KLF8: variants seen among roughly 807,000 people sequenced by gnomAD.
KLF8 encodes Krueppel-like factor 8.
A neutral mutation model predicts 18.2 loss-of-function variants in KLF8; 10 were observed. That is an observed-to-expected ratio of 0.55 (90% CI 0.34 to 0.93). KLF8 has a LOEUF of 0.93. Among genes scored for constraint, KLF8 ranks in the 40% least tolerant of loss-of-function variants. KLF8 has a pLI of 0.02. For missense variants in KLF8, 264 were observed against 277.9 expected (o/e 0.95, Z 0.36); for synonymous variants, 109 against 97.3 (o/e 1.12, Z -0.71).
At chrX:55,964,888 A>T in the KLF8 span, among the ~76,000 whole-genome samples, 1 of 111,535 alleles carries the variant, frequency 9.0e-6, no homozygotes, top group African/African-American at 3.3e-5. Flanking sequence ...ACCAATAAAG[A>T]CTTCCCAAAT....
At chrX:56,027,009 T>G in the KLF8 span, among the ~76,000 whole-genome samples, 7 of 112,539 alleles carry the variant, frequency 6.2e-5, no homozygotes, top group Non-Finnish European at 1.3e-4. Flanking sequence ...AGCTGGCAAG[T>G]GTGAGATGTA....
In KLF8 at chrX:56,284,697, C is replaced by G; in HGVS notation, c.*203C>G. 3.3e-6 allele frequency: 1 copy of G among 301,732 alleles called. No individual in the cohort carries two copies. Among genetic ancestry groups the G allele is most frequent in the Non-Finnish European group, 5.7e-6 (1 of 174,979 alleles). 24.9% of individuals were successfully genotyped at this position (301,732 alleles called of 1,213,427 possible). A position where few individuals can be genotyped will look rare whatever the true frequency, so the allele number is the denominator to read the frequency against. ...TACCTTCACTTCTCCACTGTCCAGA[C>G]CCGTTTTTTTCAACCTCCACATGGG... On this transcript the variant is annotated 3_prime_UTR_variant, in exon 6 of 6. Transcript: ENST00000468660.
the KLF8 span, among the ~76,000 whole-genome samples, chrX:56,196,319 G>A: frequency 9.0e-6 from 1 of 111,577 alleles, no homozygotes; most frequent in Non-Finnish European, 1.9e-5. Context: ...CCATCAGTGT[G>A]CTGTATTCAG....
Position 56,290,718 on chromosome X carries a change from C to A in KLF8, c.*6224C>A, listed in dbSNP as rs1036036881. Reference sequence around the variant, plus strand: ...ACCACTTATATTTTCTCTTTCCCAACTTACTTTACTCTGAATAGTATAGGT... The same window carrying A: ...ACCACTTATATTTTCTCTTTCCCAAATTACTTTACTCTGAATAGTATAGGT... On this transcript the variant is annotated 3_prime_UTR_variant, in exon 6 of 6. Transcript: ENST00000468660. 2.7e-5 allele frequency among the ~76,000 whole-genome samples: 3 copies of A among 110,928 alleles called. No homozygotes were observed. The highest frequency in any genetic ancestry group is 9.8e-5 in the African/African-American group (3 of 30,501).
the KLF8 span, among the ~76,000 whole-genome samples, chrX:56,000,830 G>C: frequency 9.1e-6 from 1 of 109,897 alleles, no homozygotes; most frequent in Non-Finnish European, 1.9e-5. Flanking sequence ...TATCTCAATT[G>C]ACACCTTACT....
At chrX:56,011,260 TAACA>T in the KLF8 span, among the ~76,000 whole-genome samples, 14 of 111,995 alleles carry the variant, frequency 1.3e-4, no homozygotes, top group Admixed American at 1.0e-3. Context: ...ACTAAAATCT[TAACA>T]AACAGTCTCT....
chrX:55,982,748 C>G, the KLF8 span, among the ~76,000 whole-genome samples: 1 of 111,703 alleles, frequency 9.0e-6, no homozygotes, highest in Non-Finnish European at 1.9e-5. Flanking sequence ...TTAAAAGAAT[C>G]AATTTCAACA....
the KLF8 span, among the ~76,000 whole-genome samples, chrX:56,124,441 C>G: frequency 6.2e-5 from 7 of 112,220 alleles, no homozygotes; most frequent in Non-Finnish European, 9.4e-5. Flanking sequence ...AGTGACCAGT[C>G]TCTTAACTGC....
At chrX:55,951,245 G>A in the KLF8 span, among the ~76,000 whole-genome samples, 1 of 110,426 alleles carries the variant, frequency 9.1e-6, no homozygotes, top group Admixed American at 9.7e-5. Flanking sequence ...GAAGGGTGAG[G>A]TGGGTGGATC....
At chrX:56,187,622 C>T in the KLF8 span, among the ~76,000 whole-genome samples, 1 of 111,527 alleles carries the variant, frequency 9.0e-6, no homozygotes, top group Admixed American at 9.5e-5. Flanking sequence ...CAAACTTCCT[C>T]AATAAAATAC....
chrX:56,031,315 G>T, the KLF8 span, among the ~76,000 whole-genome samples: 1 of 111,758 alleles, frequency 8.9e-6, no homozygotes, highest in Non-Finnish European at 1.9e-5. Context: ...TTTAAGCCAA[G>T]TCAAAACCAA....
the KLF8 span, among the ~76,000 whole-genome samples, chrX:55,955,359 A>C: frequency 9.0e-6 from 1 of 111,434 alleles, no homozygotes; most frequent in Admixed American, 9.6e-5. Context: ...AGGTCAGAGA[A>C]GAGTCAGGAG....
At chrX:55,923,014 G>T in the KLF8 span, among the ~76,000 whole-genome samples, 1 of 111,197 alleles carries the variant, frequency 9.0e-6, no homozygotes, top group Non-Finnish European at 1.9e-5. Flanking sequence ...ATTTTATAAA[G>T]ATATATGTAT....
the KLF8 span, among the ~76,000 whole-genome samples, chrX:55,925,174 T>A: frequency 3.0e-5 from 1 of 33,412 alleles, no homozygotes; most frequent in African/African-American, 4.7e-5. Flanking sequence ...TGGTTTCATT[T>A]TTTTTTTTTT....
the KLF8 span, among the ~76,000 whole-genome samples, chrX:56,149,989 T>A: frequency 8.9e-5 from 10 of 112,086 alleles, no homozygotes; most frequent in Non-Finnish European, 1.9e-4. Context: ...AAAAGATGTA[T>A]TGTTAAGCAC....
At chrX:56,107,103 G>T in the KLF8 span, among the ~76,000 whole-genome samples, 1 of 111,412 alleles carries the variant, frequency 9.0e-6, no homozygotes, top group Non-Finnish European at 1.9e-5. Context: ...TATCCCAGAG[G>T]GGCACCCCCC....
At chrX:56,015,492 T>C in the KLF8 span, among the ~76,000 whole-genome samples, 1 of 112,681 alleles carries the variant, frequency 8.9e-6, no homozygotes, top group African/African-American at 3.2e-5. Flanking sequence ...GTTGGCAATT[T>C]TGGCTTTCTG....
the KLF8 span, among the ~76,000 whole-genome samples, chrX:56,104,256 T>C: frequency 8.9e-6 from 1 of 111,864 alleles, no homozygotes; most frequent in Admixed American, 9.5e-5. Context: ...TTCCCTCTTT[T>C]TCTATTGATT....
At chrX:55,942,059 C>G in the KLF8 span, among the ~76,000 whole-genome samples, 1 of 111,606 alleles carries the variant, frequency 9.0e-6, no homozygotes, top group African/African-American at 3.3e-5. Flanking sequence ...CTTAAAGACA[C>G]ATGCACACGT....
Sources: allele counts gnomAD v4.1 joint callset (sites outside exome capture counted in the v4.1 genomes callset), GRCh38; gene constraint gnomAD v4.1.1; transcripts MANE v1.5; gene names NCBI Gene and HGNC (gene_info 2026-07-23, HGNC 2026-07-21).